PFDN1: variants seen among roughly 807,000 people sequenced by gnomAD.
The protein encoded by PFDN1 is prefoldin subunit 1.
Under a neutral mutation model 17.3 loss-of-function variants are expected in PFDN1, and 6 were observed. The observed-to-expected ratio is 0.35, with a 90% confidence interval of 0.19 to 0.69. The LOEUF (loss-of-function observed/expected upper bound fraction) is 0.69. Ranked by LOEUF, PFDN1 falls within the 30% of genes least tolerant of loss-of-function variation. The pLI, the probability that PFDN1 is intolerant of heterozygous loss-of-function variation, is 0.65. For synonymous variants in PFDN1, 58 were observed against 50.1 expected, an observed-to-expected ratio of 1.16 and a Z score of -0.67; for missense variants, 113 against 146.2, an observed-to-expected ratio of 0.77 and a Z score of 1.17.
At chr5:140,267,073 G>T (rs1391222870) in intron 3 of PFDN1, among the ~76,000 whole-genome samples, 3 of 152,020 alleles carry the variant, frequency 2.0e-5, no homozygotes, top group African/African-American at 7.3e-5. Context: ...TGCGGTGCGG[G>T]TTACAGTTAC....
chr5:140,298,758 CT>C (rs919204762), intron 2 of PFDN1, among the ~76,000 whole-genome samples: 207 of 144,990 alleles, frequency 1.4e-3, no homozygotes, highest in Non-Finnish European at 1.6e-3. Flanking sequence ...GTATTTTTTA[CT>C]TTTTTTTTTT....
chr5:140,285,428 C>T (rs1278002106), intron 2 of PFDN1, among the ~76,000 whole-genome samples: 4 of 151,158 alleles, frequency 2.6e-5, no homozygotes, highest in South Asian at 2.1e-4. Flanking sequence ...ATTTTTACGT[C>T]GTAATTTTTA....
intron 3 of PFDN1, among the ~76,000 whole-genome samples, chr5:140,271,933 C>A (rs535979442): frequency 6.7e-6 from 1 of 148,596 alleles, no homozygotes; most frequent in Non-Finnish European, 1.5e-5. Flanking sequence ...CATATATATA[C>A]ATAAAATACA....
intron 3 of PFDN1, among the ~76,000 whole-genome samples, chr5:140,275,161 C>G (rs1581090218): frequency 6.6e-6 from 1 of 152,124 alleles, no homozygotes; most frequent in Non-Finnish European, 1.5e-5. Context: ...GTAATCCCAG[C>G]ACTTTGGGAG....
chr5:140,282,195 T>TAAAAAAAA (rs34012371), intron 2 of PFDN1: 47 of 124,190 alleles, frequency 3.8e-4, no homozygotes, highest in Non-Finnish European at 4.2e-4. Context: ...TTAAAAACAT[T>TAAAAAAAA]AAAAAAAAAA....
chr5:140,253,173 A>G (rs1764939052), intron 3 of PFDN1, among the ~76,000 whole-genome samples: 2 of 152,220 alleles, frequency 1.3e-5, no homozygotes, highest in South Asian at 4.1e-4. Flanking sequence ...CAGAAAAGAA[A>G]GACAGAAAAG....
intron 3 of PFDN1, among the ~76,000 whole-genome samples, chr5:140,247,710 G>A (rs971560222): frequency 2.0e-5 from 3 of 152,156 alleles, no homozygotes; most frequent in Non-Finnish European, 4.4e-5. Flanking sequence ...AGGCCAAGGC[G>A]GGCAGATCAC....
At chr5:140,293,364 GC>G (rs1260070683) in intron 2 of PFDN1, among the ~76,000 whole-genome samples, 1 of 148,306 alleles carries the variant, frequency 6.7e-6, no homozygotes, top group African/African-American at 2.5e-5. Flanking sequence ...GCAGAAGCAA[GC>G]AAAGTCCACC....
chr5:140,276,002 C>T (rs1475384542), intron 3 of PFDN1, among the ~76,000 whole-genome samples: 2 of 151,152 alleles, frequency 1.3e-5, no homozygotes. Context: ...TACAGGGTAT[C>T]TCAGAAGAGA....
intron 3 of PFDN1, among the ~76,000 whole-genome samples, chr5:140,258,395 A>C (rs1380610598): frequency 1.4e-5 from 2 of 146,984 alleles, no homozygotes; most frequent in Non-Finnish European, 3.0e-5. Context: ...TTGTCCGGTT[A>C]CCCCAGTGAA....
At chr5:140,248,516 A>G (rs567180701) in intron 3 of PFDN1, among the ~76,000 whole-genome samples, 3 of 151,836 alleles carry the variant, frequency 2.0e-5, no homozygotes, top group South Asian at 4.2e-4. Flanking sequence ...CACCCTGTGG[A>G]CCCCATGTGA....
intron 1 of PFDN1, among the ~76,000 whole-genome samples, chr5:140,302,003 C>T (rs888518734): frequency 2.0e-5 from 3 of 152,214 alleles, no homozygotes; most frequent in African/African-American, 7.2e-5. Flanking sequence ...GACACAAACA[C>T]ATAATATCCT....
chr5:140,279,241 TA>T (rs1461200950), intron 3 of PFDN1, among the ~76,000 whole-genome samples: 1 of 152,216 alleles, frequency 6.6e-6, no homozygotes, highest in Non-Finnish European at 1.5e-5. Flanking sequence ...AACAAAGTAA[TA>T]TTTTCATTGT....
intron 2 of PFDN1, among the ~76,000 whole-genome samples, chr5:140,295,095 AAAG>A (rs1305460780): frequency 2.6e-5 from 4 of 152,070 alleles, no homozygotes; most frequent in Non-Finnish European, 5.9e-5. Flanking sequence ...CTTTTGGAAA[AAAG>A]AAATGTTATT....
At chr5:140,250,957 CAG>C (rs1281782781) in intron 3 of PFDN1, among the ~76,000 whole-genome samples, 1 of 151,656 alleles carries the variant, frequency 6.6e-6, no homozygotes, top group Non-Finnish European at 1.5e-5. Context: ...TTTTTTGAAA[CAG>C]GGTCTTGCTC....
chr5:140,249,368 C>A (rs147213933), intron 3 of PFDN1, among the ~76,000 whole-genome samples: 1 of 152,284 alleles, frequency 6.6e-6, no homozygotes, highest in East Asian at 1.9e-4. Context: ...CAACACAATA[C>A]CTGAAATGAG....
At chr5:140,275,047 A>C (rs1765268760) in intron 3 of PFDN1, among the ~76,000 whole-genome samples, 1 of 151,812 alleles carries the variant, frequency 6.6e-6, no homozygotes, top group Non-Finnish European at 1.5e-5. Context: ...TATTCTTTGT[A>C]CAATTCATAG....
chr5:140,278,619 A>G (rs1765342110), intron 3 of PFDN1, among the ~76,000 whole-genome samples: 1 of 151,486 alleles, frequency 6.6e-6, no homozygotes, highest in African/African-American at 2.4e-5. Flanking sequence ...CAAACTTCGT[A>G]TACAGTAATA....
intron 2 of PFDN1, among the ~76,000 whole-genome samples, chr5:140,286,265 T>C (rs954714396): frequency 2.6e-5 from 4 of 150,946 alleles, no homozygotes; most frequent in African/African-American, 9.7e-5. Flanking sequence ...ACAAAAAAAT[T>C]AGCCGGTGTG....
Sources: allele counts gnomAD v4.1 joint callset (sites outside exome capture counted in the v4.1 genomes callset), GRCh38; gene constraint gnomAD v4.1.1; transcripts MANE v1.5; gene names NCBI Gene and HGNC (gene_info 2026-07-23, HGNC 2026-07-21).